Variants in NHS observed in about 807,000 individuals in gnomAD.
NHS encodes NHS actin remodeling regulator.
Under a neutral mutation model 72.5 loss-of-function variants are expected in NHS, and 5 were observed. That is an observed-to-expected ratio of 0.07 (90% CI 0.04 to 0.14). The LOEUF (loss-of-function observed/expected upper bound fraction) is 0.14. NHS is among the 10% of genes least tolerant of loss of function. The pLI is 1.00. For synonymous variants in NHS, 464 were observed against 547.7 expected (o/e 0.85, Z 2.13); for missense variants, 1,072 against 1,355.7 (o/e 0.79, Z 3.29).
chrX:17,635,456 C>T, intron 1 of NHS: 13 of 1,166,185 alleles, frequency 1.1e-5, no homozygotes, highest in African/African-American at 1.8e-5. Flanking sequence ...CTCCATCCCC[C>T]CCGCCGTGCT....
At chrX:17,461,625 C>T (rs993301056) in intron 1 of NHS, among the ~76,000 whole-genome samples, 4 of 112,964 alleles carry the variant, frequency 3.5e-5, no homozygotes, top group African/African-American at 1.3e-4. Context: ...CTCTACAAGG[C>T]CTGTTACAGT....
At chrX:17,455,023 AT>A (rs1480133764) in intron 1 of NHS, among the ~76,000 whole-genome samples, 16 of 111,807 alleles carry the variant, frequency 1.4e-4, no homozygotes, top group African/African-American at 4.6e-4. Flanking sequence ...ATATGTGCAG[AT>A]TTCCTTCTTT....
chrX:17,684,798 A>G (rs2066152354), intron 1 of NHS, among the ~76,000 whole-genome samples: 1 of 112,398 alleles, frequency 8.9e-6, no homozygotes, highest in Admixed American at 9.4e-5. Context: ...GTGCACAAGA[A>G]GGCAGGAATC....
chrX:17,523,420 C>A (rs2065159187), intron 1 of NHS, among the ~76,000 whole-genome samples: 2 of 111,885 alleles, frequency 1.8e-5, no homozygotes, highest in African/African-American at 6.5e-5. Flanking sequence ...GGGCCCACCC[C>A]CCAGGCCTTG....
intron 3 of NHS, among the ~76,000 whole-genome samples, chrX:17,704,607 T>A (rs1370655605): frequency 9.0e-6 from 1 of 111,550 alleles, no homozygotes. Context: ...CAAAATTTTT[T>A]AAAAGAAAAG....
chrX:17,575,943 T>G (rs904740719), intron 1 of NHS, among the ~76,000 whole-genome samples: 1 of 111,367 alleles, frequency 9.0e-6, no homozygotes, highest in African/African-American at 3.3e-5. Context: ...TTCCAGAGAG[T>G]GGTACCCTCC....
At chrX:17,524,256 A>AT (rs909161447) in intron 1 of NHS, among the ~76,000 whole-genome samples, 11 of 111,866 alleles carry the variant, frequency 9.8e-5, no homozygotes, top group African/African-American at 3.6e-4. Flanking sequence ...ATATATGTGA[A>AT]TTTTTTTGCT....
intron 3 of NHS, among the ~76,000 whole-genome samples, chrX:17,717,496 T>G (rs1426262744): frequency 8.9e-6 from 1 of 112,622 alleles, no homozygotes; most frequent in African/African-American, 3.2e-5. Flanking sequence ...AGTGCTATAA[T>G]AGAGGCCCAG....
intron 1 of NHS, among the ~76,000 whole-genome samples, chrX:17,631,011 A>G (rs919908678): frequency 2.7e-5 from 3 of 111,986 alleles, no homozygotes; most frequent in African/African-American, 9.8e-5. Flanking sequence ...ATTCTAGCCC[A>G]TTGTCTTTAT....
At chrX:17,713,452 A>G (rs1209725130) in intron 3 of NHS, among the ~76,000 whole-genome samples, 1 of 112,219 alleles carries the variant, frequency 8.9e-6, no homozygotes, top group East Asian at 2.8e-4. Context: ...AATATTTTTC[A>G]TGTTTAAGAC....
At chrX:17,498,950 GTTACAATTGTTACCCAC>G (rs1231231107) in intron 1 of NHS, among the ~76,000 whole-genome samples, 1 of 111,476 alleles carries the variant, frequency 9.0e-6, no homozygotes, top group Non-Finnish European at 1.9e-5. Flanking sequence ...AATTGATGGG[GTTACAATTGTTACCCAC>G]TTTGAATTTA....
intron 1 of NHS, among the ~76,000 whole-genome samples, chrX:17,561,712 A>C (rs929913482): frequency 1.9e-5 from 2 of 106,348 alleles, no homozygotes; most frequent in African/African-American, 6.9e-5. Flanking sequence ...CTTTTAGAAA[A>C]TAAAGAAGTG....
Position 17,726,337 on chromosome X carries a change from A to C in NHS, c.2231A>C (p.Lys744Thr). 1 of 1,212,166 alleles carries C rather than the reference A, an allele frequency of 8.2e-7. No individual in the cohort carries two copies. Among genetic ancestry groups the C allele is most frequent in the Non-Finnish European group, 1.1e-6 (1 of 895,588 alleles). Residue 744 changes from lysine (K) to threonine (T), a missense_variant, in exon 7 of 9, where the codon AAG (lysine) becomes ACG (threonine). Physicochemically the swap from Lys to Thr is moderately conservative, Grantham distance 78. Coordinates refer to ENST00000676302, the MANE Select transcript of NHS (RefSeq NM_001291867.2). Reference sequence around the variant, plus strand: ...CAGGATTTTAGTCCTGAGCGTCCCAAGGCAGACAGCCTGGGCTGCCCAAGC... The same window carrying C: ...CAGGATTTTAGTCCTGAGCGTCCCACGGCAGACAGCCTGGGCTGCCCAAGC... ...CRQDFSPERPKADSLGCPSFT... is the reference protein window; with the variant it reads ...CRQDFSPERPTADSLGCPSFT...
chrX:17,507,592 G>A (rs1207532446), intron 1 of NHS, among the ~76,000 whole-genome samples: 1 of 111,948 alleles, frequency 8.9e-6, no homozygotes, highest in Non-Finnish European at 1.9e-5. Flanking sequence ...AGAACGTAAG[G>A]CACTGTTGCT....
At chrX:17,513,828 A>C (rs1181211239) in intron 1 of NHS, among the ~76,000 whole-genome samples, 2 of 112,426 alleles carry the variant, frequency 1.8e-5, no homozygotes, top group South Asian at 3.7e-4. Context: ...AACTTGATTG[A>C]AGGATGCAAA....
intron 1 of NHS, among the ~76,000 whole-genome samples, chrX:17,427,268 A>G (rs1444907726): frequency 9.0e-6 from 1 of 111,514 alleles, no homozygotes; most frequent in Non-Finnish European, 1.9e-5. Flanking sequence ...GGGTGCCTGG[A>G]TGGAAAAGGT....
chrX:17,463,328 G>T (rs181858662), intron 1 of NHS, among the ~76,000 whole-genome samples: 37 of 110,606 alleles, frequency 3.3e-4, no homozygotes, highest in Admixed American at 1.2e-3. Context: ...GATTTGCTGG[G>T]GGGGAGGGCA....
chrX:17,448,513 T>C (rs1444354935), intron 1 of NHS, among the ~76,000 whole-genome samples: 1 of 112,159 alleles, frequency 8.9e-6, no homozygotes, highest in African/African-American at 3.2e-5. Flanking sequence ...CCATCAGGAA[T>C]TATGGCCATT....
intron 1 of NHS, among the ~76,000 whole-genome samples, chrX:17,620,958 C>G (rs2065770610): frequency 9.0e-6 from 1 of 111,405 alleles, no homozygotes; most frequent in African/African-American, 3.3e-5. Context: ...GCTCTGTTTC[C>G]AGAGTCTGGA....
Sources: allele counts gnomAD v4.1 joint callset (sites outside exome capture counted in the v4.1 genomes callset), GRCh38; gene constraint gnomAD v4.1.1; transcripts MANE v1.5; gene names NCBI Gene and HGNC (gene_info 2026-07-23, HGNC 2026-07-21).